The following KRT33A variants were observed in gnomAD, a reference collection of about 807,000 sequenced individuals.
KRT33A encodes keratin, type I cuticular Ha3-I.
In KRT33A, 44 loss-of-function variants were observed where a neutral mutation model predicts 41.1. The ratio of observed to expected loss-of-function variants is 1.07; its 90% CI spans 0.84 to 1.38. KRT33A has a LOEUF of 1.38. Ranked by LOEUF, KRT33A falls within the 40% of genes most tolerant of loss-of-function variation. The pLI, the probability that KRT33A is intolerant of heterozygous loss-of-function variation, is 0.00. For missense variants in KRT33A, 536 were observed against 518.5 expected (o/e 1.03, Z -0.33); for synonymous variants, 229 against 227.8 (o/e 1.01, Z -0.05).
In KRT33A at chr17:41,346,228, G is replaced by C; in HGVS notation, c.1106C>G (p.Ser369Cys). The C allele has an allele frequency of 2.5e-6, 4 of 1,614,056 alleles. No homozygotes were observed. The highest frequency in any genetic ancestry group is 3.4e-6 in the Non-Finnish European group (4 of 1,179,910). ...TGCATTGGTTGTGGCGCAGGGGTTGGAGGGGAGCCTGTGGGCAGAAAATCA... is the reference window on the plus strand; with the variant it reads ...TGCATTGGTTGTGGCGCAGGGGTTGCAGGGGAGCCTGTGGGCAGAAAATCA... ...LLESEDCKLPSNPCATTNACD... is the reference protein window; with the variant it reads ...LLESEDCKLPCNPCATTNACD... The change falls in exon 7 of 7, where the codon TCC becomes TGC. Residue 369 changes from serine (S) to cysteine (C), a missense_variant. Ser to Cys is a moderately radical substitution (Grantham distance 112). Transcript: ENST00000007735.
rs751281665 is a variant in KRT33A at position 41,346,542 on chromosome 17, G to A, written c.1003C>T (p.Gln335Ter). 12 of 1,614,070 alleles carry A rather than the reference G, an allele frequency of 7.4e-6. No homozygotes were observed. The highest frequency in any genetic ancestry group is 3.3e-5 in the Admixed American group (2 of 60,006). The change falls in exon 6 of 7, where the codon CAG becomes TAG. Residue 335 changes from glutamine (Q) to a stop codon, truncating the protein, a stop_gained. Transcript: ENST00000007735. LOFTEE classifies it high-confidence loss of function. The part of the protein sequence containing the change: ...LAEIRSDLER[Q>*]NQEYQVLLDV... ...AGCAGCACCTGATACTCCTGGTTCT[G>A]CCGCTCCAGGTCACTGCGGATCTCC...
chr17:41,346,439 C>G lies in KRT33A; in HGVS notation c.1097+9G>C. ...GCCCCAAGGAGAAGATTACTACCCC[C>G]ATACTGACTTGCAGTCCTCGCTCTC... On this transcript the variant is annotated intron_variant, in intron 6 of 6. Transcript: ENST00000007735. The G allele has an allele frequency of 6.2e-7, 1 of 1,613,982 alleles. No homozygotes were observed. Among genetic ancestry groups the G allele is most frequent in the Non-Finnish European group, 8.5e-7 (1 of 1,179,914 alleles).
intron 6 of KRT33A, 89 bp from the exon 7 acceptor site, chr17:41,346,325 T>C: frequency 6.4e-7 from 1 of 1,572,058 alleles, no homozygotes; most frequent in Non-Finnish European, 8.7e-7. Flanking sequence ...AAGAATATTG[T>C]TCCTCCTTGG....
Position 41,349,450 on chromosome 17 carries a change from A to C in KRT33A, c.349-22T>G, listed in dbSNP as rs1231157080. 6 of 1,613,400 alleles carry C rather than the reference A, an allele frequency of 3.7e-6. No individual in the cohort carries two copies. In the African/African-American group the frequency reaches 8.0e-5, roughly 22 times the overall value. ...GGATCTAGAAGGCCCAAAACATTCA[A>C]GAATGAGCAAGGACTTGGTAATTTT... On this transcript the variant is annotated intron_variant, in intron 1 of 6. Coordinates refer to ENST00000007735, the MANE Select transcript of KRT33A (RefSeq NM_004138.4).
chr17:41,346,576 G>A lies in KRT33A; in HGVS notation c.969C>T (p.Ser323=), dbSNP rs772282363. 5 of 1,614,084 alleles carry A rather than the reference G, an allele frequency of 3.1e-6. No individual in the cohort carries two copies. In the African/African-American group the frequency reaches 5.3e-5, roughly 17 times the overall value. ...GGTCACTGCGGATCTCCGCCAGCTG[G>A]GACTCCACGTTGGTGATCAGTCTCT... ...QVQRLITNVE[S]QLAEIRSDLE... is the part of the protein sequence containing the mutation. Residue 323 remains serine (S), a synonymous_variant, in exon 6 of 7, where the codon TCC becomes TCT. Transcript: ENST00000007735.
chr17:41,350,544 C>T lies in KRT33A; in HGVS notation c.224G>A (p.Arg75His), dbSNP rs202104335. 1.2e-4 allele frequency: 198 copies of T among 1,613,948 alleles called. No homozygotes were observed. Among genetic ancestry groups the T allele is most frequent in the South Asian group, 1.1e-3 (103 of 91,080 alleles). Residue 75 changes from arginine (R) to histidine (H), a missense_variant, in exon 1 of 7, where the codon CGT becomes CAT. Transcript: ENST00000007735. The part of the protein sequence containing the change: ...DRLASYLEKV[R>H]QLERDNAELE... ...CTCCGCGTTGTCCCGCTCCAGCTGA[C>T]GCACCTTCTCCAGGTAGCTGGCCAG...
rs778443778 is a variant in KRT33A at position 41,350,433 on chromosome 17, T to G, written c.335A>C (p.Glu112Ala). 6.2e-7 allele frequency: 1 copy of G among 1,613,418 alleles called. No homozygotes were observed. Among genetic ancestry groups the G allele is most frequent in the Non-Finnish European group, 8.5e-7 (1 of 1,179,440 alleles). Residue 112 changes from glutamate to alanine, a missense_variant, in exon 1 of 7, where the codon GAG (glutamate) becomes GCG (alanine). Coordinates refer to ENST00000007735, the MANE Select transcript of KRT33A (RefSeq NM_004138.4). ...SYQSYFKTIE[E>A]LQQKILCSKS... ...CCCACTCCTCACCTTCTGCTGGAGC[T>G]CCTCAATGGTCTTGAAGTAGGACTG...
At chr17:41,348,673 C>T (rs1447846627) in intron 2 of KRT33A, 34 bp from the exon 3 acceptor site, 1 of 1,611,400 alleles carries the variant, frequency 6.2e-7, no homozygotes, top group African/African-American at 1.3e-5. Context: ...ACAGGCTGGG[C>T]AGGAATAGGC....
chr17:41,346,807 T>C (rs1469140766), intron 5 of KRT33A, 37 bp downstream of exon 5: 1 of 1,609,900 alleles, frequency 6.2e-7, no homozygotes, highest in Non-Finnish European at 8.5e-7. Flanking sequence ...GCCTCCCAAG[T>C]TCCCATCGCT....
In KRT33A at chr17:41,346,878, G is replaced by T. The variant is rs373586065; in HGVS notation, c.842C>A (p.Ala281Asp). The T allele has an allele frequency of 1.2e-6, 2 of 1,612,954 alleles. No homozygotes were observed. Among genetic ancestry groups the T allele is most frequent in the Non-Finnish European group, 1.7e-6 (2 of 1,180,030 alleles). Residue 281 changes from alanine (A) to aspartate (D), a missense_variant, in exon 5 of 7, where the codon GCC (alanine) becomes GAC (aspartate). Coordinates refer to ENST00000007735, the MANE Select transcript of KRT33A (RefSeq NM_004138.4). ...CTGGGCCTGCAGCTCGATCTCCAGGGCATTGACCGTGCGTCTCAGCTCGAT... is the reference window on the plus strand; with the variant it reads ...CTGGGCCTGCAGCTCGATCTCCAGGTCATTGACCGTGCGTCTCAGCTCGAT... ...EIIELRRTVN[A>D]LEIELQAQHN...
At position 41,349,446 on chromosome 17, in the gene KRT33A, T is replaced by C. The variant is rs1410165064; in HGVS notation, c.349-18A>G. On this transcript the variant is annotated intron_variant, in intron 1 of 6. Coordinates refer to ENST00000007735, the MANE Select transcript of KRT33A (RefSeq NM_004138.4). ...CACAGGATCTAGAAGGCCCAAAACA[T>C]TCAAGAATGAGCAAGGACTTGGTAA... 1.2e-6 allele frequency: 2 copies of C among 1,613,580 alleles called. No homozygotes were observed. Among genetic ancestry groups the C allele is most frequent in the East Asian group, 2.2e-5 (1 of 44,852 alleles).
At chr17:41,346,414 G>GC (rs773624013) in intron 6 of KRT33A, 34 bp downstream of exon 6, 24 of 1,612,108 alleles carry the variant, frequency 1.5e-5, no homozygotes, top group African/African-American at 4.0e-5. Flanking sequence ...AACCTAACAT[G>GC]CCCCAAGGAG....
At chr17:41,350,384 C>T (rs2017487526) in intron 1 of KRT33A, 36 bp downstream of exon 1, 1 of 1,598,944 alleles carries the variant, frequency 6.3e-7, no homozygotes, top group Non-Finnish European at 8.6e-7. Flanking sequence ...CTCCCGACAA[C>T]TTCCTACTGG....
intron 1 of KRT33A, among the ~76,000 whole-genome samples, chr17:41,350,160 G>T (rs1276507044): frequency 6.6e-6 from 1 of 152,158 alleles, no homozygotes; most frequent in East Asian, 1.9e-4. Context: ...AGCTTGGCAG[G>T]TGCATGGAAG....
In KRT33A at chr17:41,348,473, G is replaced by T. The variant is rs1241759419; in HGVS notation, c.588+10C>A. On this transcript the variant is annotated intron_variant, in intron 3 of 6. Transcript: ENST00000007735. The stretch of plus-strand genomic sequence containing the variant: ...GCTAGTCTGAGCCCATCACTCTTCA[G>T]GGAACTCACCTGCTCATGGTTCTGC... The T allele has an allele frequency of 6.2e-7, 1 of 1,613,766 alleles. No individual in the cohort carries two copies. The highest frequency in any genetic ancestry group is 2.2e-5 in the East Asian group (1 of 44,854).
chr17:41,346,463 T>C lies in KRT33A; in HGVS notation c.1082A>G (p.Glu361Gly). The change falls in exon 6 of 7, where the codon GAG becomes GGG. Residue 361 changes from glutamate (E) to glycine (G), a missense_variant. By Grantham distance (98) the Glu-to-Gly change is moderately conservative. Transcript: ENST00000007735. ...CEINTYRSLL[E>G]SEDCKLPSNP... Reference sequence around the variant, plus strand: ...CCATACTGACTTGCAGTCCTCGCTCTCCAGCAGGCTCCGGTACGTGTTGAT... The same window carrying C: ...CCATACTGACTTGCAGTCCTCGCTCCCCAGCAGGCTCCGGTACGTGTTGAT... 2 of 1,614,040 alleles carry C rather than the reference T, an allele frequency of 1.2e-6. No homozygotes were observed. Among genetic ancestry groups the C allele is most frequent in the Non-Finnish European group, 1.7e-6 (2 of 1,179,962 alleles).
chr17:41,347,553 T>C (rs1447247207), intron 3 of KRT33A, among the ~76,000 whole-genome samples: 2 of 152,268 alleles, frequency 1.3e-5, no homozygotes, highest in Admixed American at 6.5e-5. Flanking sequence ...TTTGCTAGTA[T>C]ACCATATAGC....
In KRT33A at chr17:41,348,618, C is replaced by A. The variant is rs946841560; in HGVS notation, c.453G>T (p.Leu151=). The change falls in exon 3 of 7, where the codon CTG becomes CTT. Residue 151 remains leucine, a synonymous_variant. Coordinates refer to ENST00000007735, the MANE Select transcript of KRT33A (RefSeq NM_004138.4). ...TGATGTCCGACTCCACCAGCTGCCG[C>A]AGGGACAGCTCGGTCTCATATCTGT... is the stretch of plus-strand genomic sequence containing the variant. ...FRTKYETELS[L]RQLVESDING... The A allele has an allele frequency of 6.2e-7, 1 of 1,614,114 alleles. No individual in the cohort carries two copies. The highest frequency in any genetic ancestry group is 1.3e-5 in the African/African-American group (1 of 75,000).
Position 41,350,634 on chromosome 17 carries a change from T to C in KRT33A, c.134A>G (p.Asn45Ser), listed in dbSNP as rs2017494979. 1.2e-6 allele frequency: 2 copies of C among 1,612,518 alleles called. No individual in the cohort carries two copies. Among genetic ancestry groups the C allele is most frequent in the African/African-American group, 1.3e-5 (1 of 74,110 alleles). Reference protein sequence around the residue: ...CNIPANVSNCNWFCEGSFNGS... With the variant: ...CNIPANVSNCSWFCEGSFNGS... ...ATTGAAGGAGCCCTCACAGAACCAGTTGCAGTTGCTCACATTGGCGGGGAT... is the reference window on the plus strand; with the variant it reads ...ATTGAAGGAGCCCTCACAGAACCAGCTGCAGTTGCTCACATTGGCGGGGAT... Residue 45 changes from asparagine (N) to serine (S), a missense_variant, in exon 1 of 7, where the codon AAC becomes AGC. Asn to Ser is a conservative substitution (Grantham distance 46, BLOSUM62 1). Coordinates refer to ENST00000007735, the MANE Select transcript of KRT33A (RefSeq NM_004138.4).
Sources: gnomAD v4.1 joint callset for allele counts (sites outside exome capture counted in the v4.1 genomes callset) on GRCh38, gnomAD v4.1.1 for gene constraint, MANE v1.5 for transcripts, NCBI Gene and HGNC (gene_info 2026-07-23, HGNC 2026-07-21) for gene names.